The following SND1 variants were observed in gnomAD, a reference collection of about 807,000 sequenced individuals.
SND1 encodes the protein staphylococcal nuclease and tudor domain containing 1.
In SND1, 38 loss-of-function variants were observed where a neutral mutation model predicts 121.7. That is an observed-to-expected ratio of 0.31 (90% confidence interval 0.24 to 0.41). SND1 has a LOEUF of 0.41. Ranked by LOEUF, SND1 falls within the 10% of genes least tolerant of loss-of-function variation. SND1 has a pLI of 1.00. For synonymous variants in SND1, 401 were observed against 447.4 expected, an observed-to-expected ratio of 0.90 and a Z score of 1.31; for missense variants, 868 against 1,184.6, an observed-to-expected ratio of 0.73 and a Z score of 3.92.
intron 15 of SND1, among the ~76,000 whole-genome samples, chr7:127,955,997 A>AC (rs1271318533): frequency 6.6e-6 from 1 of 152,080 alleles, no homozygotes; most frequent in East Asian, 1.9e-4. Context: ...CAGGCATCTA[A>AC]CCCTTTCTGC....
intron 9 of SND1, 117 bp downstream of exon 9, chr7:127,707,764 G>GGT: frequency 1.4e-5 from 8 of 558,170 alleles, no homozygotes; most frequent in Non-Finnish European, 2.2e-5. Context: ...CAAGCCAGTA[G>GGT]GAGTGTGTGT....
intron 15 of SND1, among the ~76,000 whole-genome samples, chr7:127,956,753 T>C (rs1801601797): frequency 6.6e-6 from 1 of 152,252 alleles, no homozygotes; most frequent in African/African-American, 2.4e-5. Context: ...TGTTTACACA[T>C]CTGCACGTGT....
At chr7:127,857,454 C>T (rs1420393881) in intron 12 of SND1, among the ~76,000 whole-genome samples, 2 of 150,352 alleles carry the variant, frequency 1.3e-5, no homozygotes, top group African/African-American at 4.9e-5. Flanking sequence ...CCGCCCGCCT[C>T]GCCCTCCCAA....
chr7:128,034,053 A>T (rs1371393586), intron 16 of SND1, among the ~76,000 whole-genome samples: 2 of 152,236 alleles, frequency 1.3e-5, no homozygotes, highest in Admixed American at 1.3e-4. Flanking sequence ...GCAGGCAAAT[A>T]ACTTGCCCAA....
At chr7:128,054,321 G>T (rs932172650) in intron 16 of SND1, among the ~76,000 whole-genome samples, 10 of 152,224 alleles carry the variant, frequency 6.6e-5, no homozygotes, top group Non-Finnish European at 8.8e-5. Flanking sequence ...CCCCAGAGGT[G>T]GCCAGGAACA....
In SND1 at chr7:128,085,724, G is replaced by T; in HGVS notation, c.2248G>T (p.Val750Leu). The T allele has an allele frequency of 6.2e-7, 1 of 1,614,134 alleles. No individual in the cohort carries two copies. Among genetic ancestry groups the T allele is most frequent in the Non-Finnish European group, 8.5e-7 (1 of 1,179,986 alleles). Residue 750 changes from valine (V) to leucine (L), a missense_variant, in exon 20 of 24, where the codon GTA (valine) becomes TTA (leucine). Physicochemically the swap from Val to Leu is conservative, Grantham distance 32. Coordinates refer to ENST00000354725, the MANE Select transcript of SND1 (RefSeq NM_014390.4). This position sits in a 1 kb window ranked among gnomAD's most constrained non-coding sequence, Gnocchi z 4.4. Reference protein sequence around the residue: ...FVDGEWYRARVEKVESPAKIH... With the variant: ...FVDGEWYRARLEKVESPAKIH... Reference sequence around the variant, plus strand: ...ATGCCATTGCAGGTACCGTGCCCGAGTAGAGAAAGTCGAGTCTCCTGCCAA... The same window carrying T: ...ATGCCATTGCAGGTACCGTGCCCGATTAGAGAAAGTCGAGTCTCCTGCCAA...
intron 12 of SND1, among the ~76,000 whole-genome samples, chr7:127,884,930 G>C (rs1799865841): frequency 6.6e-6 from 1 of 152,130 alleles, no homozygotes; most frequent in Non-Finnish European, 1.5e-5. Context: ...TGGTAGGGTT[G>C]ATATTCCTTA....
At chr7:127,732,862 T>G (rs1299171951) in intron 10 of SND1, among the ~76,000 whole-genome samples, 2 of 152,222 alleles carry the variant, frequency 1.3e-5, no homozygotes, top group Admixed American at 6.5e-5. Context: ...TGCTGCATGC[T>G]CATGGTATGG....
In SND1 at chr7:128,074,730, G is replaced by A. The variant is rs143040635; in HGVS notation, c.1968+40G>A. The A allele has an allele frequency of 1.9e-4, 295 of 1,548,958 alleles. 1 individual carries two copies. In the African/African-American group the frequency reaches 2.2e-3, roughly 12 times the overall value. ...CCAGCTGTGCTCTCCCTGCCCTCCCGTCCTCCTCACACACTAATGCTGCTG... is the reference window on the plus strand; with the variant it reads ...CCAGCTGTGCTCTCCCTGCCCTCCCATCCTCCTCACACACTAATGCTGCTG... On this transcript the variant is annotated intron_variant, in intron 17 of 23. Coordinates refer to ENST00000354725, the MANE Select transcript of SND1 (RefSeq NM_014390.4).
chr7:127,846,093 C>T (rs1320264834), intron 12 of SND1, among the ~76,000 whole-genome samples: 1 of 152,092 alleles, frequency 6.6e-6, no homozygotes, highest in Non-Finnish European at 1.5e-5. Context: ...TTCTTGAGTC[C>T]TTGTAAGAAG....
chr7:127,856,975 C>A (rs1799286410), intron 12 of SND1, among the ~76,000 whole-genome samples: 1 of 152,028 alleles, frequency 6.6e-6, no homozygotes, highest in African/African-American at 2.4e-5. Context: ...AAGATCAGAT[C>A]ATTGAGTGAA....
At chr7:127,676,285 G>A (rs1167221524) in intron 1 of SND1, among the ~76,000 whole-genome samples, 1 of 152,202 alleles carries the variant, frequency 6.6e-6, no homozygotes, top group Non-Finnish European at 1.5e-5. Flanking sequence ...AGGAAGGGAA[G>A]AGAGATTAAT....
intron 9 of SND1, among the ~76,000 whole-genome samples, chr7:127,720,090 A>G (rs1159911215): frequency 2.6e-5 from 4 of 152,214 alleles, no homozygotes; most frequent in African/African-American, 4.8e-5. Context: ...AAGTAAATGA[A>G]TACATTCTGT....
intron 12 of SND1, among the ~76,000 whole-genome samples, chr7:127,876,874 T>C (rs150830878): frequency 2.0e-5 from 3 of 152,308 alleles, no homozygotes; most frequent in East Asian, 3.9e-4. Context: ...CAGACAAGTC[T>C]ATGCAGTTTC....
Position 128,089,557 on chromosome 7 carries a change from C to T in SND1, c.2487C>T (p.Asn829=), listed in dbSNP as rs372542486. ...RDIQNTQCLL[N]VEHLSAGCPH... ...TCCAGAACACTCAGTGCCTGCTCAA[C>T]GTGGAACACCTGAGTGCCGGCTGCC... is the stretch of plus-strand genomic sequence containing the variant. The change falls in exon 22 of 24, where the codon AAC becomes AAT. Residue 829 remains asparagine, a synonymous_variant. Coordinates refer to ENST00000354725, the MANE Select transcript of SND1 (RefSeq NM_014390.4). The T allele has an allele frequency of 2.8e-5, 45 of 1,614,120 alleles. No individual in the cohort carries two copies. The highest frequency in any genetic ancestry group is 5.3e-5 in the African/African-American group (4 of 74,940).
chr7:127,985,145 G>C (rs753700745), intron 15 of SND1, among the ~76,000 whole-genome samples: 12 of 152,164 alleles, frequency 7.9e-5, no homozygotes, highest in Non-Finnish European at 1.6e-4. Flanking sequence ...CCCATTCCCA[G>C]CTTGTGGTGT....
At chr7:128,006,544 A>T (rs935890867) in intron 16 of SND1, among the ~76,000 whole-genome samples, 1 of 152,224 alleles carries the variant, frequency 6.6e-6, no homozygotes, top group African/African-American at 2.4e-5. Flanking sequence ...CAGGACTCTT[A>T]AGAGGGAAGT....
intron 15 of SND1, among the ~76,000 whole-genome samples, chr7:127,988,673 GGAGTA>G (rs1332021517): frequency 1.3e-5 from 2 of 152,218 alleles, no homozygotes; most frequent in Non-Finnish European, 2.9e-5. Flanking sequence ...GAGTGACAAA[GGAGTA>G]GAGTGGTACT....
At chr7:127,974,292 A>T (rs1371880691) in intron 15 of SND1, among the ~76,000 whole-genome samples, 2 of 152,208 alleles carry the variant, frequency 1.3e-5, no homozygotes, top group African/African-American at 4.8e-5. Context: ...GTCCCATCAG[A>T]TTATAAATGC....
Sources: allele counts gnomAD v4.1 joint callset (sites outside exome capture counted in the v4.1 genomes callset), GRCh38; gene constraint gnomAD v4.1.1; non-coding constraint Gnocchi (gnomAD v3.1); transcripts MANE v1.5; gene names NCBI Gene and HGNC (gene_info 2026-07-23, HGNC 2026-07-21).